The following NEMP1 variants were observed in gnomAD, a reference collection of about 807,000 sequenced individuals.
NEMP1 encodes nuclear envelope integral membrane protein 1.
NEMP1 carries 29 observed loss-of-function variants against 53.7 expected under a neutral mutation model. The ratio of observed to expected loss-of-function variants is 0.54; its 90% CI spans 0.40 to 0.74. NEMP1 has a LOEUF of 0.74. Ranked by LOEUF, NEMP1 falls within the 30% of genes least tolerant of loss-of-function variation. The probability of loss-of-function intolerance (pLI) is 0.00; values close to 1 mark genes in which losing one functional copy is unlikely to be tolerated. For synonymous variants in NEMP1, 193 were observed against 192.9 expected, an observed-to-expected ratio of 1.00 and a Z score of 0.00; for missense variants, 477 against 528.6, an observed-to-expected ratio of 0.90 and a Z score of 0.96.
chr12:57,070,907 A>C lies in NEMP1; in HGVS notation c.253-14T>G. 1.3e-6 allele frequency: 2 copies of C among 1,567,606 alleles called. No individual in the cohort carries two copies. Among genetic ancestry groups the C allele is most frequent in the South Asian group, 1.2e-5 (1 of 86,030 alleles). On this transcript the variant is annotated splice_polypyrimidine_tract_variant and intron_variant, in intron 2 of 8. Coordinates refer to ENST00000300128, the MANE Select transcript of NEMP1 (RefSeq NM_001130963.2). ...ATTTACTCGGATCTGTAACACAAAT[A>C]AAATCAGGATGAGAAAAAAGGAAGT...
At chr12:57,081,471 G>A (rs935644866), upstream of NEMP1, among the ~76,000 whole-genome samples, 5 of 151,846 alleles carry the variant, frequency 3.3e-5, no homozygotes, top group Non-Finnish European at 7.4e-5. Context: ...TTGAACTCCC[G>A]ACCTCAGGTG....
rs190704525 is a variant in NEMP1 at position 57,057,242 on chromosome 12, C to G, written c.*2637G>C. 2 of 152,348 alleles carry G rather than the reference C, an allele frequency of 1.3e-5. No homozygotes were observed. The highest frequency in any genetic ancestry group is 2.4e-5 in the African/African-American group (1 of 41,560). The allele number at this position is 152,348 out of a possible 1,614,324, so 9.4% of individuals were successfully genotyped here. On this transcript the variant is annotated 3_prime_UTR_variant, in exon 9 of 9. Coordinates refer to ENST00000300128, the MANE Select transcript of NEMP1 (RefSeq NM_001130963.2). ...GCCCTGGAGCCCATTTATGGCTTGA[C>G]ATTCACCCAGCAAGACGCTGACGTG... is the stretch of plus-strand genomic sequence containing the variant.
At chr12:57,063,384 T>C (rs1206100756) in intron 6 of NEMP1, 40 bp from the exon 7 acceptor site, 1 of 1,542,152 alleles carries the variant, frequency 6.5e-7, no homozygotes, top group African/African-American at 1.4e-5. Flanking sequence ...TTTTCATCTA[T>C]ACTTGGTAAA....
In NEMP1 at chr12:57,077,987, CAGG is replaced by C. The variant is rs202202275; in HGVS notation, c.127+629_127+631del. On this transcript the variant is annotated intron_variant, in intron 1 of 8. Coordinates refer to ENST00000300128, the MANE Select transcript of NEMP1 (RefSeq NM_001130963.2). Reference sequence around the variant, plus strand: ...ATCCCAGCTACTCCGGAGGCTGAAGCAGGAGAATTGCTTGAACCCAGGAGGCGG... The same window carrying C: ...ATCCCAGCTACTCCGGAGGCTGAAGCAGAATTGCTTGAACCCAGGAGGCGG... Among the ~76,000 whole-genome samples, 531 of 152,218 alleles carry C rather than the reference CAGG, an allele frequency of 3.5e-3. 4 individuals are homozygous for C. The highest frequency in any genetic ancestry group is 0.012 in the African/African-American group (508 of 41,540).
rs2031726264 is a variant in NEMP1, at chr12:57,060,056, A to T, written c.1158T>A (p.Phe386Leu). The T allele has an allele frequency of 5.0e-6, 8 of 1,613,640 alleles. No individual in the cohort carries two copies. In the East Asian group the frequency reaches 1.8e-4, roughly 36 times the overall value. Reference sequence around the variant, plus strand: ...GGGAAGAGCCTTCCACAAAGTCAGCAAATCTGGAAAAGAGAAGATAATACT... The same window carrying T: ...GGGAAGAGCCTTCCACAAAGTCAGCTAATCTGGAAAAGAGAAGATAATACT... Reference protein sequence around the residue: ...TVSRIQSPKRFADFVEGSSHL... With the variant: ...TVSRIQSPKRLADFVEGSSHL... The change falls in exon 9 of 9, where the codon TTT (phenylalanine) becomes TTA (leucine). Residue 386 changes from phenylalanine (F) to leucine (L), a missense_variant. Physicochemically the swap from Phe to Leu is conservative, Grantham distance 22. Coordinates refer to ENST00000300128, the MANE Select transcript of NEMP1 (RefSeq NM_001130963.2).
At chr12:57,085,727 A>G (rs2032971528) in intron 1 of NEMP1, among the ~76,000 whole-genome samples, 1 of 152,226 alleles carries the variant, frequency 6.6e-6, no homozygotes, top group African/African-American at 2.4e-5. Context: ...CTGAGTGTGA[A>G]TTAATTTACC....
rs756475606 is a variant in NEMP1, at chr12:57,078,662, C to T, written c.84G>A (p.Val28=). The T allele has an allele frequency of 5.6e-6, 9 of 1,613,390 alleles. No individual in the cohort carries two copies. Among genetic ancestry groups the T allele is most frequent in the South Asian group, 2.2e-5 (2 of 90,988 alleles). The change falls in exon 1 of 9, where the codon GTG becomes GTA. Residue 28 remains valine (V), a synonymous_variant. Coordinates refer to ENST00000300128, the MANE Select transcript of NEMP1 (RefSeq NM_001130963.2). ...AGCCGGAGAGGATCAAGAGTAGCCG[C>T]ACTGTCCCACCGCCCCCGACTCCCG... ...WGSGVGGGGT[V]RLLLILSGCL... is the part of the protein sequence containing the mutation.
At chr12:57,065,438 T>G (rs186497101) in intron 4 of NEMP1, among the ~76,000 whole-genome samples, 1 of 152,300 alleles carries the variant, frequency 6.6e-6, no homozygotes, top group East Asian at 1.9e-4. Flanking sequence ...GAGGAGCTCT[T>G]TAATTGTAGC....
intron 2 of NEMP1, 136 bp downstream of exon 2, chr12:57,072,652 G>T: frequency 1.1e-6 from 1 of 932,968 alleles, no homozygotes; most frequent in Non-Finnish European, 1.6e-6. Context: ...CACAACTCAG[G>T]ATAATCTCAA....
upstream of NEMP1, among the ~76,000 whole-genome samples, chr12:57,080,508 G>A (rs2032814515): frequency 6.6e-6 from 1 of 151,882 alleles, no homozygotes. Flanking sequence ...GAACCCAGGA[G>A]GCGGAGGCTG....
chr12:57,070,917 T>G, intron 2 of NEMP1, 24 bp from the exon 3 acceptor site: 5 of 1,561,714 alleles, frequency 3.2e-6, no homozygotes, highest in Non-Finnish European at 4.3e-6. Flanking sequence ...AAAATCAGGA[T>G]GAGAAAAAAG....
At chr12:57,084,834 A>T (rs2032944648) in intron 1 of NEMP1, among the ~76,000 whole-genome samples, 1 of 152,226 alleles carries the variant, frequency 6.6e-6, no homozygotes, top group Non-Finnish European at 1.5e-5. Flanking sequence ...TTTGACAGAG[A>T]AATTTTATAT....
rs1450740723 is a variant in NEMP1 at position 57,064,171 on chromosome 12, G to A, written c.654C>T (p.Tyr218=). The change falls in exon 6 of 9, where the codon TAC becomes TAT. Residue 218 remains tyrosine (Y), a synonymous_variant. Coordinates refer to ENST00000300128, the MANE Select transcript of NEMP1 (RefSeq NM_001130963.2). ...SKFMPKKSPI[Y]VILVGGWSFS... Reference sequence around the variant, plus strand: ...AAGACCAGCCTCCCACCAGGATGACGTAAATGGGACTTTTCTAAGACAGAG... The same window carrying A: ...AAGACCAGCCTCCCACCAGGATGACATAAATGGGACTTTTCTAAGACAGAG... 7 of 1,604,274 alleles carry A rather than the reference G, an allele frequency of 4.4e-6. No homozygotes were observed. Among genetic ancestry groups the A allele is most frequent in the South Asian group, 1.1e-5 (1 of 89,484 alleles).
chr12:57,055,836 C>T lies in NEMP1; in HGVS notation c.*4043G>A, dbSNP rs1229002393. ...ATAAAATTACAAATATTTAAATAAC[C>T]CTAAGGTATTACCCACAGGCTAAAA... On this transcript the variant is annotated 3_prime_UTR_variant, in exon 9 of 9. Coordinates refer to ENST00000300128, the MANE Select transcript of NEMP1 (RefSeq NM_001130963.2). 2 of 152,088 alleles carry T rather than the reference C, an allele frequency of 1.3e-5. No individual in the cohort carries two copies. The highest frequency in any genetic ancestry group is 2.4e-5 in the African/African-American group (1 of 41,398). 9.4% of individuals were successfully genotyped at this position (152,088 alleles called of 1,614,324 possible).
At chr12:57,068,175 T>C (rs1177299885) in intron 4 of NEMP1, among the ~76,000 whole-genome samples, 1 of 152,140 alleles carries the variant, frequency 6.6e-6, no homozygotes, top group African/African-American at 2.4e-5. Context: ...CAAACTCCAA[T>C]TGTTAATCTT....
At chr12:57,060,303 T>C (rs1450614468) in intron 8 of NEMP1, among the ~76,000 whole-genome samples, 1 of 152,236 alleles carries the variant, frequency 6.6e-6, no homozygotes, top group Non-Finnish European at 1.5e-5. Context: ...CACTTGCCTA[T>C]CCTTTCTAAT....
intron 1 of NEMP1, 118 bp from the exon 2 acceptor site, chr12:57,073,030 C>T: frequency 1.2e-6 from 1 of 836,826 alleles, no homozygotes; most frequent in Non-Finnish European, 1.7e-6. Flanking sequence ...ATTAGCCAGA[C>T]TGAGAAATAA....
chr12:57,078,576 C>G (rs1181279122), intron 1 of NEMP1, 43 bp downstream of exon 1: 2 of 1,579,812 alleles, frequency 1.3e-6, no homozygotes, highest in Admixed American at 1.8e-5. Context: ...AAAAATAACC[C>G]CCTCGGCACC....
At chr12:57,087,181 C>T (rs1410310812) in intron 1 of NEMP1, among the ~76,000 whole-genome samples, 3 of 152,238 alleles carry the variant, frequency 2.0e-5, no homozygotes, top group African/African-American at 7.2e-5. Context: ...CGGATCAGGA[C>T]CGGGACCCGG....
Sources: gnomAD v4.1 joint callset for allele counts (sites outside exome capture counted in the v4.1 genomes callset) on GRCh38, gnomAD v4.1.1 for gene constraint, MANE v1.5 for transcripts, NCBI Gene and HGNC (gene_info 2026-07-23, HGNC 2026-07-21) for gene names.